Variants in PTPRK observed in about 807,000 individuals in gnomAD.
PTPRK encodes the protein receptor-type tyrosine-protein phosphatase kappa.
A neutral mutation model predicts 178.0 loss-of-function variants in PTPRK; 75 were observed. That is an observed-to-expected ratio of 0.42 (90% CI 0.35 to 0.51). The LOEUF is 0.51. Among genes scored for constraint, PTPRK ranks in the 20% least tolerant of loss-of-function variants. The pLI is 0.02. For synonymous variants in PTPRK, 637 were observed against 620.6 expected (o/e 1.03, Z -0.39); for missense variants, 1,441 against 1,797.8 (o/e 0.80, Z 3.59).
intron 10 of PTPRK, among the ~76,000 whole-genome samples, chr6:128,080,700 A>T (rs1222453378): frequency 6.6e-6 from 1 of 152,030 alleles, no homozygotes; most frequent in Admixed American, 6.6e-5. Flanking sequence ...TATTTAAATT[A>T]TTTTTTTAAA....
intron 5 of PTPRK, 63 bp downstream of exon 5, chr6:128,239,972 C>G (rs1814091642): frequency 1.0e-5 from 13 of 1,256,032 alleles, no homozygotes; most frequent in Non-Finnish European, 1.4e-5. Flanking sequence ...AACAAACAGT[C>G]CTGTTGCAAT....
chr6:128,456,702 T>TG (rs1848437678), intron 1 of PTPRK, among the ~76,000 whole-genome samples: 1 of 152,142 alleles, frequency 6.6e-6, no homozygotes, highest in Non-Finnish European at 1.5e-5. Flanking sequence ...GTTCTGAACT[T>TG]GGACTATGGA....
chr6:128,431,778 A>T (rs1844866411), intron 1 of PTPRK, among the ~76,000 whole-genome samples: 1 of 152,250 alleles, frequency 6.6e-6, no homozygotes, highest in Non-Finnish European at 1.5e-5. Flanking sequence ...CTTTTCAATC[A>T]TAAGTACCTA....
intron 3 of PTPRK, among the ~76,000 whole-genome samples, chr6:128,276,824 T>C (rs187900488): frequency 9.2e-5 from 14 of 152,272 alleles, no homozygotes. Flanking sequence ...CCTGAAAAAG[T>C]ATACAGCATA....
intron 3 of PTPRK, among the ~76,000 whole-genome samples, chr6:128,253,994 T>A (rs1022871348): frequency 6.6e-6 from 1 of 152,174 alleles, no homozygotes; most frequent in East Asian, 1.9e-4. Flanking sequence ...AATTCAGATA[T>A]ATTAATAAGT....
At chr6:128,211,767 A>C (rs962625726) in intron 6 of PTPRK, among the ~76,000 whole-genome samples, 1 of 152,140 alleles carries the variant, frequency 6.6e-6, no homozygotes, top group African/African-American at 2.4e-5. Context: ...TAAGTCATAT[A>C]GTGGTAGAGA....
At chr6:128,123,840 A>T (rs1792874862) in intron 7 of PTPRK, among the ~76,000 whole-genome samples, 1 of 151,886 alleles carries the variant, frequency 6.6e-6, no homozygotes, top group Admixed American at 6.6e-5. Context: ...ATTTGTCTGA[A>T]TTTTTTTTCA....
intron 6 of PTPRK, among the ~76,000 whole-genome samples, chr6:128,197,799 T>C (rs1805167224): frequency 6.6e-6 from 1 of 152,044 alleles, no homozygotes; most frequent in African/African-American, 2.4e-5. Flanking sequence ...CATTAGTCAC[T>C]GCAATGGTCT....
chr6:128,022,199 G>C (rs2114765103), intron 13 of PTPRK, among the ~76,000 whole-genome samples: 1 of 152,250 alleles, frequency 6.6e-6, no homozygotes, highest in African/African-American at 2.4e-5. Flanking sequence ...TTAGTTCTCA[G>C]AAGAAATTAA....
intron 7 of PTPRK, among the ~76,000 whole-genome samples, chr6:128,095,023 A>G (rs1430791969): frequency 1.3e-5 from 2 of 152,106 alleles, no homozygotes; most frequent in South Asian, 2.1e-4. Flanking sequence ...TTAAGCACAT[A>G]TGTTACAAAT....
intron 1 of PTPRK, among the ~76,000 whole-genome samples, chr6:128,489,328 G>T (rs1584943438): frequency 6.6e-6 from 1 of 152,110 alleles, no homozygotes; most frequent in East Asian, 1.9e-4. Context: ...TGTTCCAAAG[G>T]CAGTTTATGT....
At chr6:128,427,029 T>A (rs968963312) in intron 1 of PTPRK, among the ~76,000 whole-genome samples, 3 of 152,200 alleles carry the variant, frequency 2.0e-5, no homozygotes, top group African/African-American at 7.2e-5. Flanking sequence ...AAGATTATGA[T>A]CTTCCTTTAA....
At chr6:128,239,550 C>T (rs1385777776) in intron 5 of PTPRK, among the ~76,000 whole-genome samples, 1 of 152,160 alleles carries the variant, frequency 6.6e-6, no homozygotes, top group Non-Finnish European at 1.5e-5. Context: ...AATGTCTTCA[C>T]CTCAGATCTG....
chr6:128,288,463 T>TTG (rs1364165039), intron 3 of PTPRK, among the ~76,000 whole-genome samples: 1 of 152,142 alleles, frequency 6.6e-6, no homozygotes, highest in African/African-American at 2.4e-5. Flanking sequence ...CATTTTCAAT[T>TTG]TGTGTGCTGA....
intron 2 of PTPRK, among the ~76,000 whole-genome samples, chr6:128,356,503 G>C (rs1206814737): frequency 6.6e-6 from 1 of 151,924 alleles, no homozygotes; most frequent in East Asian, 1.9e-4. Context: ...GAGAACTATT[G>C]GCAATTCTTC....
chr6:128,085,618 TC>T (rs1785644889), intron 8 of PTPRK, among the ~76,000 whole-genome samples: 1 of 152,330 alleles, frequency 6.6e-6, no homozygotes, highest in Non-Finnish European at 1.5e-5. Context: ...CGAACATCGT[TC>T]AATAATAGGG....
chr6:128,439,335 C>T (rs1016471132), intron 1 of PTPRK, among the ~76,000 whole-genome samples: 5 of 152,024 alleles, frequency 3.3e-5, no homozygotes, highest in Non-Finnish European at 7.4e-5. Flanking sequence ...TTTGATTCAC[C>T]ATTGAGTACC....
rs1055078026 is a variant in PTPRK at position 128,175,101 on chromosome 6, G to C, written c.1162+9331C>G. Reference sequence around the variant, plus strand: ...TATCCAGTAATTTAGACAGAGTCTAGAATACAGGAGATACTCATGTAAAAG... The same window carrying C: ...TATCCAGTAATTTAGACAGAGTCTACAATACAGGAGATACTCATGTAAAAG... On this transcript the variant is annotated intron_variant, in intron 7 of 29. Coordinates refer to ENST00000368226, the MANE Select transcript of PTPRK (RefSeq NM_002844.4). Among the ~76,000 whole-genome samples, 3 of 151,940 alleles carry C rather than the reference G, an allele frequency of 2.0e-5. No homozygotes were observed. In the East Asian group the frequency reaches 5.8e-4, roughly 29 times the overall value.
chr6:128,091,835 T>G (rs985405524), intron 7 of PTPRK, among the ~76,000 whole-genome samples: 10 of 152,182 alleles, frequency 6.6e-5, no homozygotes, highest in African/African-American at 2.4e-4. Flanking sequence ...ATTTTGTCTA[T>G]TTAGTCCGCA....
Sources: gnomAD v4.1 joint callset for allele counts (sites outside exome capture counted in the v4.1 genomes callset) on GRCh38, gnomAD v4.1.1 for gene constraint, MANE v1.5 for transcripts, NCBI Gene and HGNC (gene_info 2026-07-23, HGNC 2026-07-21) for gene names.